PELI2: variants seen among roughly 807,000 people sequenced by gnomAD.
The protein encoded by PELI2 is pellino E3 ubiquitin protein ligase family member 2.
PELI2 carries 23 observed loss-of-function variants against 42.3 expected under a neutral mutation model. The ratio of observed to expected loss-of-function variants is 0.54; its 90% confidence interval spans 0.39 to 0.77. The LOEUF is 0.77. Among genes scored for constraint, PELI2 ranks in the 30% least tolerant of loss-of-function variants. The pLI is 0.00. For synonymous variants in PELI2, 245 were observed against 212.2 expected (o/e 1.15, Z -1.34); for missense variants, 463 against 553.2 (o/e 0.84, Z 1.64).
intron 2 of PELI2, among the ~76,000 whole-genome samples, chr14:56,241,262 G>T (rs933988751): frequency 7.2e-5 from 11 of 152,002 alleles, no homozygotes; most frequent in African/African-American, 2.7e-4. Flanking sequence ...AGTAACAAAA[G>T]ATTAAAGCAA....
rs1886190809 is a variant in PELI2, at chr14:56,197,971, C to CACAT, written c.207+19510_207+19511insTACA. 1.8e-4 allele frequency among the ~76,000 whole-genome samples: 4 copies of CACAT among 22,628 alleles called. No homozygotes were observed. In the Admixed American group the frequency reaches 2.9e-3, roughly 16 times the overall value. 14.8% of individuals were successfully genotyped at this position (22,628 alleles called of 152,430 possible). ...CACCAGGGATCATGACTGGTGAAGA[C>CACAT]ACACACACACACACACACACACACA... is the stretch of plus-strand genomic sequence containing the variant. On this transcript the variant is annotated intron_variant, in intron 2 of 5. Transcript: ENST00000267460. The surrounding 1 kb of genome is among the most constrained non-coding windows in gnomAD (Gnocchi z 4.9).
rs191295506 is a variant in PELI2 at position 56,237,237 on chromosome 14, A to T, written c.208-42439A>T. On this transcript the variant is annotated intron_variant, in intron 2 of 5. Transcript: ENST00000267460. Reference sequence around the variant, plus strand: ...TTATGTAGAATTGGTCAGAGTGCCTACTTAGACAAACGCCCAGAAATGGAA... The same window carrying T: ...TTATGTAGAATTGGTCAGAGTGCCTTCTTAGACAAACGCCCAGAAATGGAA... 1.1e-4 allele frequency among the ~76,000 whole-genome samples: 17 copies of T among 152,324 alleles called. No individual in the cohort carries two copies. The East Asian group carries it at 1.5e-3, about 14-fold the overall frequency.
intron 2 of PELI2, among the ~76,000 whole-genome samples, chr14:56,254,246 A>T (rs865783360): frequency 1.3e-5 from 2 of 152,114 alleles, no homozygotes; most frequent in Non-Finnish European, 2.9e-5. Context: ...CAAATATACA[A>T]AAATTAGCTG....
chr14:56,299,811 T>G lies in PELI2; in HGVS notation c.*2645T>G, dbSNP rs1382466131. The G allele has an allele frequency of 6.6e-6, 1 of 152,228 alleles. No individual in the cohort carries two copies. Among genetic ancestry groups the G allele is most frequent in the Admixed American group, 6.5e-5 (1 of 15,282 alleles). 9.4% of individuals were successfully genotyped at this position (152,228 alleles called of 1,614,324 possible). A position where few individuals can be genotyped will look rare whatever the true frequency, so the allele number is the denominator to read the frequency against. ...CCAATTAGTTGTCTTGGCCTGACTC[T>G]AATGCCTTTTGCAAGTAGCTTTCCA... On this transcript the variant is annotated 3_prime_UTR_variant, in exon 6 of 6. Coordinates refer to ENST00000267460, the MANE Select transcript of PELI2 (RefSeq NM_021255.3).
chr14:56,264,998 G>C (rs1170691298), intron 2 of PELI2, among the ~76,000 whole-genome samples: 1 of 152,018 alleles, frequency 6.6e-6, no homozygotes, highest in Non-Finnish European at 1.5e-5. Flanking sequence ...AGAAATTGAG[G>C]ACCTAAATAT....
At position 56,261,479 on chromosome 14, in the gene PELI2, C is replaced by G. The variant is rs140998935; in HGVS notation, c.208-18197C>G. Among the ~76,000 whole-genome samples, 1,389 of 152,270 alleles carry G rather than the reference C, an allele frequency of 9.1e-3. 27 individuals are homozygous for G. Among genetic ancestry groups the G allele is most frequent in the African/African-American group, 0.032 (1,312 of 41,548 alleles). On this transcript the variant is annotated intron_variant, in intron 2 of 5. Coordinates refer to ENST00000267460, the MANE Select transcript of PELI2 (RefSeq NM_021255.3). ...CATCGCTTTCAACTACATCGCTTTTCAAGGTGATTTCCAATCCTATGGTCT... is the reference window on the plus strand; with the variant it reads ...CATCGCTTTCAACTACATCGCTTTTGAAGGTGATTTCCAATCCTATGGTCT...
At chr14:56,214,550 G>A (rs1886830049) in intron 2 of PELI2, among the ~76,000 whole-genome samples, 1 of 152,008 alleles carries the variant, frequency 6.6e-6, no homozygotes. Flanking sequence ...TTTCTTCTTG[G>A]TTCTCTTAGT....
At position 56,118,734 on chromosome 14, in the gene PELI2, T is replaced by C; in HGVS notation, c.74T>C (p.Leu25Pro). Residue 25 changes from leucine to proline, a missense_variant, in exon 1 of 6, where the codon CTC (leucine) becomes CCC (proline). Leu to Pro is a moderately conservative substitution (Grantham distance 98, BLOSUM62 -3). This residue lies in a region of PELI2 where 343 missense variants were observed against 378.4 expected (regional missense o/e 0.91). Coordinates refer to ENST00000267460, the MANE Select transcript of PELI2 (RefSeq NM_021255.3). ...EPVKYGELVV[L>P]GYNGALPNGD... Reference sequence around the variant, plus strand: ...GTGAAATACGGGGAGCTGGTGGTGCTCGGGTGAGTCCTGGGGTCCCTGGTC... The same window carrying C: ...GTGAAATACGGGGAGCTGGTGGTGCCCGGGTGAGTCCTGGGGTCCCTGGTC... 2 of 1,522,748 alleles carry C rather than the reference T, an allele frequency of 1.3e-6. No homozygotes were observed. The highest frequency in any genetic ancestry group is 2.0e-5 in the Admixed American group (1 of 49,948). The allele number at this position is 1,522,748 out of a possible 1,614,324, so 94.3% of individuals were successfully genotyped here. A position where few individuals can be genotyped will look rare whatever the true frequency, so the allele number is the denominator to read the frequency against.
At chr14:56,139,297 T>C (rs936928274) in intron 1 of PELI2, among the ~76,000 whole-genome samples, 3 of 152,164 alleles carry the variant, frequency 2.0e-5, no homozygotes, top group Non-Finnish European at 2.9e-5. Flanking sequence ...TACAGTGGGA[T>C]TGAAAAATAG....
At chr14:56,242,895 G>T (rs1888025239) in intron 2 of PELI2, among the ~76,000 whole-genome samples, 1 of 152,122 alleles carries the variant, frequency 6.6e-6, no homozygotes, top group Non-Finnish European at 1.5e-5. Flanking sequence ...TACACATTGG[G>T]TACAGTATAC....
At chr14:56,229,165 G>A (rs1010513079) in intron 2 of PELI2, among the ~76,000 whole-genome samples, 3 of 152,248 alleles carry the variant, frequency 2.0e-5, no homozygotes, top group Admixed American at 1.3e-4. Flanking sequence ...ACCTGTGGGG[G>A]CAGGGAATAG....
At chr14:56,264,021 C>T (rs1888814493) in intron 2 of PELI2, among the ~76,000 whole-genome samples, 1 of 152,158 alleles carries the variant, frequency 6.6e-6, no homozygotes, top group Non-Finnish European at 1.5e-5. Flanking sequence ...CATTTACCTA[C>T]TGACTAAAAT....
At chr14:56,127,953 A>G (rs1178398222) in intron 1 of PELI2, among the ~76,000 whole-genome samples, 1 of 152,206 alleles carries the variant, frequency 6.6e-6, no homozygotes, top group African/African-American at 2.4e-5. Flanking sequence ...TTAAAATTAC[A>G]CTAAGAATTT....
intron 2 of PELI2, among the ~76,000 whole-genome samples, chr14:56,193,391 G>C (rs1174291434): frequency 6.6e-6 from 1 of 152,124 alleles, no homozygotes; most frequent in Non-Finnish European, 1.5e-5. Context: ...CTAAAACCCT[G>C]ATTGTGGCCA....
At chr14:56,235,358 T>A (rs1887753104) in intron 2 of PELI2, among the ~76,000 whole-genome samples, 1 of 152,192 alleles carries the variant, frequency 6.6e-6, no homozygotes, top group African/African-American at 2.4e-5. Flanking sequence ...TCCAGAGAAA[T>A]CTTTGAAAAT....
chr14:56,138,691 C>G (rs1412789579), intron 1 of PELI2, among the ~76,000 whole-genome samples: 1 of 152,190 alleles, frequency 6.6e-6, no homozygotes, highest in Non-Finnish European at 1.5e-5. Context: ...CCAAGCCTGT[C>G]TTAGCATTTA....
At chr14:56,266,459 A>G (rs1281783340) in intron 2 of PELI2, among the ~76,000 whole-genome samples, 7 of 152,044 alleles carry the variant, frequency 4.6e-5, no homozygotes, top group Admixed American at 3.3e-4. Flanking sequence ...TGTTCATAGT[A>G]AATAAAAAAA....
chr14:56,165,988 C>G (rs1301716736), intron 1 of PELI2, among the ~76,000 whole-genome samples: 1 of 152,090 alleles, frequency 6.6e-6, no homozygotes, highest in Non-Finnish European at 1.5e-5. Context: ...AGACTAAACT[C>G]TCATTATTAA....
chr14:56,259,390 G>C (rs1030363308), intron 2 of PELI2, among the ~76,000 whole-genome samples: 3 of 151,958 alleles, frequency 2.0e-5, no homozygotes, highest in African/African-American at 7.3e-5. Flanking sequence ...ATAATGTATG[G>C]GGTTTATAAC....
Sources: allele counts gnomAD v4.1 joint callset (sites outside exome capture counted in the v4.1 genomes callset), GRCh38; gene constraint gnomAD v4.1.1; regional missense constraint gnomAD v4.1.1; non-coding constraint Gnocchi (gnomAD v3.1); transcripts MANE v1.5; gene names NCBI Gene and HGNC (gene_info 2026-07-23, HGNC 2026-07-21).